Variants in WDPCP observed in about 807,000 individuals in gnomAD.
WDPCP encodes WD repeat containing planar cell polarity effector.
In WDPCP, 71 loss-of-function variants were observed where a neutral mutation model predicts 93.1. The ratio of observed to expected loss-of-function variants is 0.76; its 90% CI spans 0.63 to 0.93. WDPCP has a LOEUF of 0.93. Among genes scored for constraint, WDPCP ranks in the 40% least tolerant of loss-of-function variants. The probability of loss-of-function intolerance (pLI) is 0.00; values close to 1 mark genes in which losing one functional copy is unlikely to be tolerated. For synonymous variants in WDPCP, 315 were observed against 315.0 expected (o/e 1.00, Z 0.00); for missense variants, 844 against 887.4 (o/e 0.95, Z 0.62).
upstream of WDPCP, chr2:63,590,080 T>A (rs1324191114): frequency 1.3e-5 from 2 of 152,394 alleles, no homozygotes; most frequent in Admixed American, 6.5e-5. Flanking sequence ...AGCTACTAAT[T>A]TCCAGTAGGT....
chr2:63,369,565 C>A, intron 12 of WDPCP: 1 of 454,922 alleles, frequency 2.2e-6, no homozygotes, highest in Non-Finnish European at 4.4e-6. Flanking sequence ...GCAGAAAACA[C>A]ATTTTGTACA....
At position 63,141,815 on chromosome 2, in the gene WDPCP, GT is replaced by G. The variant is rs575175410; in HGVS notation, c.2190+11098del. Among the ~76,000 whole-genome samples the G allele has an allele frequency of 1.8e-3, 272 of 152,182 alleles. 2 individuals carry two copies. Among genetic ancestry groups the G allele is most frequent in the African/African-American group, 6.1e-3 (255 of 41,534 alleles). ...AAATACCATTTCGATCTCGCTGCTTGTTATTGGTCTGTTCAGGGTATCTAAT... is the reference window on the plus strand; with the variant it reads ...AAATACCATTTCGATCTCGCTGCTTGTATTGGTCTGTTCAGGGTATCTAAT... On this transcript the variant is annotated intron_variant, in intron 17 of 17. Coordinates refer to ENST00000272321, the MANE Select transcript of WDPCP (RefSeq NM_015910.7).
At chr2:63,417,231 T>C (rs1314129330) in intron 9 of WDPCP, among the ~76,000 whole-genome samples, 1 of 152,208 alleles carries the variant, frequency 6.6e-6, no homozygotes, top group African/African-American at 2.4e-5. Context: ...TATTTGGTTA[T>C]TTAGAATTTA....
intron 1 of WDPCP, among the ~76,000 whole-genome samples, chr2:63,574,331 G>A (rs751916064): frequency 3.3e-5 from 5 of 152,044 alleles, no homozygotes; most frequent in South Asian, 2.1e-4. Context: ...CAGACTGGCC[G>A]ACACTTAGGG....
chr2:63,793,027 A>C (rs1670566061), intron 2 of WDPCP, among the ~76,000 whole-genome samples: 1 of 152,216 alleles, frequency 6.6e-6, no homozygotes, highest in Non-Finnish European at 1.5e-5. Flanking sequence ...TTTGAAATGT[A>C]AATGTCATCA....
At chr2:63,780,739 C>G (rs1257728464) in intron 2 of WDPCP, among the ~76,000 whole-genome samples, 1 of 152,118 alleles carries the variant, frequency 6.6e-6, no homozygotes, top group African/African-American at 2.4e-5. Context: ...TTCTTTGTTT[C>G]CTAGCAGTGA....
intron 10 of WDPCP, among the ~76,000 whole-genome samples, chr2:63,400,781 C>T (rs760036769): frequency 2.0e-5 from 3 of 152,068 alleles, no homozygotes; most frequent in Non-Finnish European, 2.9e-5. Context: ...GGTACTGGTA[C>T]CAAAACTGAT....
chr2:63,630,666 T>A (rs1474981539), intron 3 of WDPCP, among the ~76,000 whole-genome samples: 3 of 152,020 alleles, frequency 2.0e-5, no homozygotes, highest in Non-Finnish European at 4.4e-5. Context: ...AAATACACAA[T>A]CATAGTTGGA....
intron 3 of WDPCP, among the ~76,000 whole-genome samples, chr2:63,648,120 C>A (rs1710073198): frequency 6.6e-6 from 1 of 152,168 alleles, no homozygotes; most frequent in Admixed American, 6.5e-5. Context: ...TATCATAGAA[C>A]ATTCTTTGGT....
At chr2:63,226,256 C>T (rs1487886899) in intron 14 of WDPCP, among the ~76,000 whole-genome samples, 2 of 151,836 alleles carry the variant, frequency 1.3e-5, no homozygotes, top group Non-Finnish European at 2.9e-5. Flanking sequence ...GCTGTGTCTG[C>T]TGGAAGGGAC....
At chr2:63,378,229 T>A in intron 12 of WDPCP, 157 bp downstream of exon 12, 1 of 1,006,480 alleles carries the variant, frequency 9.9e-7, no homozygotes, top group South Asian at 1.6e-5. Context: ...ATGAAAACAA[T>A]AACAAATTAA....
chr2:63,833,057 G>A, the WDPCP span, among the ~76,000 whole-genome samples: 5 of 151,964 alleles, frequency 3.3e-5, no homozygotes, highest in Admixed American at 2.0e-4. Context: ...GTTCAGGACC[G>A]GCCTGGCCAA....
intron 1 of WDPCP, among the ~76,000 whole-genome samples, chr2:63,524,989 C>A (rs1458501663): frequency 1.3e-5 from 2 of 152,082 alleles, no homozygotes; most frequent in Non-Finnish European, 2.9e-5. Flanking sequence ...GACAGAGAAT[C>A]AACCTAAAAG....
intron 12 of WDPCP, among the ~76,000 whole-genome samples, chr2:63,352,282 C>G (rs573219345): frequency 6.6e-6 from 1 of 152,058 alleles, no homozygotes; most frequent in South Asian, 2.1e-4. Flanking sequence ...AATCAGGATG[C>G]ACTTGTCTAT....
At chr2:63,802,281 TAAAAAAAAAAAAAAAAAAAAAA>T (rs58717654) in intron 2 of WDPCP, among the ~76,000 whole-genome samples, 6 of 54,408 alleles carry the variant, frequency 1.1e-4, no homozygotes, top group African/African-American at 3.4e-4. Flanking sequence ...CCCTCTCTCT[TAAAAAAAAAAAAAAAAAAAAAA>T]AAAAAAAAAA....
intron 2 of WDPCP, among the ~76,000 whole-genome samples, chr2:63,749,016 T>C (rs1669839540): frequency 6.6e-6 from 1 of 152,114 alleles, no homozygotes; most frequent in Non-Finnish European, 1.5e-5. Context: ...GAGGACCATC[T>C]TGTGATTCCA....
intron 1 of WDPCP, among the ~76,000 whole-genome samples, chr2:63,548,594 AT>A (rs751697374): frequency 2.0e-4 from 31 of 152,318 alleles, no homozygotes; most frequent in Non-Finnish European, 3.4e-4. Flanking sequence ...ACATTAAAAA[AT>A]CAAATGGACC....
chr2:63,350,905 A>C (rs961058183), intron 12 of WDPCP, among the ~76,000 whole-genome samples: 1 of 152,060 alleles, frequency 6.6e-6, no homozygotes, highest in African/African-American at 2.4e-5. Context: ...ATCTAATTAA[A>C]TAATAAAATA....
intron 2 of WDPCP, among the ~76,000 whole-genome samples, chr2:63,748,635 C>A (rs1326960230): frequency 1.3e-5 from 2 of 152,030 alleles, no homozygotes; most frequent in Non-Finnish European, 2.9e-5. Context: ...TATTTTATTA[C>A]TGGCATATAC....
Sources: allele counts gnomAD v4.1 joint callset (sites outside exome capture counted in the v4.1 genomes callset), GRCh38; gene constraint gnomAD v4.1.1; transcripts MANE v1.5; gene names NCBI Gene and HGNC (gene_info 2026-07-23, HGNC 2026-07-21).